The following RCN2 variants were observed in gnomAD, a reference collection of about 807,000 sequenced individuals.
The protein encoded by RCN2 is reticulocalbin 2.
In RCN2, 23 loss-of-function variants were observed where a neutral mutation model predicts 37.5. The observed-to-expected ratio is 0.61, with a 90% CI of 0.44 to 0.87. The LOEUF (loss-of-function observed/expected upper bound fraction) is 0.87, where lower values mean the gene tolerates loss of function less well. RCN2 is among the 40% of genes least tolerant of loss of function. RCN2 has a pLI of 0.00. For missense variants in RCN2, 381 were observed against 390.4 expected (o/e 0.98, Z 0.20); for synonymous variants, 140 against 144.6 (o/e 0.97, Z 0.23).
rs957631330 is a variant in RCN2 at position 76,953,752 on chromosome 15, CGCCT to C, written c.*4534_*4537del. ...CCTCCCGAGTAGCTGGGACTATAGG[CGCCT>C]GCCACCGCACCCGGCTAATTTTTTG... On this transcript the variant is annotated 3_prime_UTR_variant, in exon 7 of 7. Coordinates refer to ENST00000394885, the MANE Select transcript of RCN2 (RefSeq NM_002902.3). 3 of 39,748 alleles carry C rather than the reference CGCCT, an allele frequency of 7.5e-5. No homozygotes were observed. Among genetic ancestry groups the C allele is most frequent in the African/African-American group, 1.3e-4 (3 of 23,294 alleles). 2.5% of individuals were successfully genotyped at this position (39,748 alleles called of 1,614,324 possible). A position where few individuals can be genotyped will look rare whatever the true frequency, so the allele number is the denominator to read the frequency against.
intron 4 of RCN2, among the ~76,000 whole-genome samples, chr15:76,946,528 G>C (rs1389719474): frequency 5.9e-5 from 9 of 152,178 alleles, no homozygotes; most frequent in African/African-American, 1.9e-4. Context: ...GAGGCTGGCA[G>C]ATCATCCGAG....
At chr15:76,946,339 T>A (rs1053407452) in intron 4 of RCN2, among the ~76,000 whole-genome samples, 1 of 152,020 alleles carries the variant, frequency 6.6e-6, no homozygotes, top group Non-Finnish European at 1.5e-5. Flanking sequence ...TCCTAGCTAC[T>A]TGGGAGACTG....
chr15:76,934,544 G>T (rs1438405045), intron 2 of RCN2, among the ~76,000 whole-genome samples: 1 of 152,168 alleles, frequency 6.6e-6, no homozygotes. Context: ...TTGCAGGAAG[G>T]GCATAAATTG....
chr15:76,948,750 A>T, intron 6 of RCN2, 198 bp downstream of exon 6: 1 of 546,790 alleles, frequency 1.8e-6, no homozygotes, highest in South Asian at 3.2e-5. Context: ...GTCATGTATT[A>T]ATTTGAGAGT....
At chr15:76,948,295 G>A in intron 5 of RCN2, 115 bp from the exon 6 acceptor site, 1 of 623,544 alleles carries the variant, frequency 1.6e-6, no homozygotes, top group Non-Finnish European at 2.5e-6. Context: ...CTGTTTTATT[G>A]GGCTTTCTTT....
chr15:76,944,481 G>GT (rs200785226), intron 4 of RCN2, among the ~76,000 whole-genome samples: 10 of 151,748 alleles, frequency 6.6e-5, no homozygotes, highest in East Asian at 3.9e-4. Context: ...CATTCTTACT[G>GT]TTTTTTTTGT....
At chr15:76,941,950 C>T (rs1252908824) in intron 3 of RCN2, 2 of 295,968 alleles carry the variant, frequency 6.8e-6, no homozygotes, top group Non-Finnish European at 1.2e-5. Flanking sequence ...TTGATTGACT[C>T]AGCAAAGTAC....
intron 2 of RCN2, among the ~76,000 whole-genome samples, chr15:76,932,893 AC>A (rs2075230719): frequency 6.6e-6 from 1 of 152,166 alleles, no homozygotes; most frequent in Non-Finnish European, 1.5e-5. Flanking sequence ...CCTGTGAATT[AC>A]GTTTATTATA....
At chr15:76,939,253 A>AATAAATAC (rs2075267102) in intron 3 of RCN2, among the ~76,000 whole-genome samples, 2 of 150,844 alleles carry the variant, frequency 1.3e-5, no homozygotes, top group Admixed American at 6.6e-5. Flanking sequence ...TAAATAAATA[A>AATAAATAC]ATAAATAAAT....
chr15:76,932,312 C>T, intron 1 of RCN2, 49 bp from the exon 2 acceptor site: 1 of 1,433,968 alleles, frequency 7.0e-7, no homozygotes, highest in Non-Finnish European at 9.8e-7. Context: ...ACCATTTTGC[C>T]CCACTGATAG....
At position 76,935,509 on chromosome 15, in the gene RCN2, C is replaced by T; in HGVS notation, c.251-17C>T. Reference sequence around the variant, plus strand: ...GAATTAACGTCACATGCGTTGTGTTCTGGGAAATTCTCATAGGTGAACTCA... The same window carrying T: ...GAATTAACGTCACATGCGTTGTGTTTTGGGAAATTCTCATAGGTGAACTCA... On this transcript the variant is annotated splice_polypyrimidine_tract_variant and intron_variant, in intron 2 of 6. Coordinates refer to ENST00000394885, the MANE Select transcript of RCN2 (RefSeq NM_002902.3). 4 of 1,594,290 alleles carry T rather than the reference C, an allele frequency of 2.5e-6. No individual in the cohort carries two copies. The highest frequency in any genetic ancestry group is 2.6e-6 in the Non-Finnish European group (3 of 1,166,884).
At chr15:76,932,570 T>A in intron 2 of RCN2, 104 bp downstream of exon 2, 1 of 765,620 alleles carries the variant, frequency 1.3e-6, no homozygotes, top group Non-Finnish European at 2.3e-6. Context: ...TTGGAAGTCC[T>A]GTGAGAAGGA....
rs115361828 is a variant in RCN2, at chr15:76,943,933, A to T, written c.561+62A>T. ...ACCAAAACTTTAAAAAAATATATTT[A>T]AAATTTTTGTGGGTACATAGTAGGT... is the stretch of plus-strand genomic sequence containing the variant. On this transcript the variant is annotated intron_variant, in intron 4 of 6. Transcript: ENST00000394885. The T allele has an allele frequency of 9.1e-4, 813 of 898,050 alleles. 7 individuals carry two copies. In the African/African-American group the frequency reaches 0.013, roughly 14 times the overall value. 55.6% of individuals were successfully genotyped at this position (898,050 alleles called of 1,614,324 possible).
intron 1 of RCN2, 119 bp downstream of exon 1, chr15:76,932,104 G>T: frequency 9.9e-7 from 1 of 1,014,690 alleles, no homozygotes; most frequent in Non-Finnish European, 1.3e-6. Context: ...CTGACAATGG[G>T]GGCCGGGCGG....
intron 3 of RCN2, chr15:76,941,588 G>C: frequency 9.7e-7 from 1 of 1,028,408 alleles, no homozygotes; most frequent in Non-Finnish European, 1.4e-6. Flanking sequence ...GAAAAAAAAA[G>C]AGTGTTGAAG....
intron 3 of RCN2, chr15:76,938,599 C>G (rs1568459734): frequency 2.5e-6 from 1 of 401,830 alleles, no homozygotes; most frequent in African/African-American, 2.0e-5. Context: ...ACCTGTTAAA[C>G]AACACCCCAT....
chr15:76,939,098 G>T (rs940589113), intron 3 of RCN2, among the ~76,000 whole-genome samples: 1 of 152,150 alleles, frequency 6.6e-6, no homozygotes, highest in Non-Finnish European at 1.5e-5. Flanking sequence ...TGGGCATGAT[G>T]GTCCGTCCTG....
intron 2 of RCN2, 38 bp downstream of exon 2, chr15:76,932,504 C>A: frequency 7.3e-7 from 1 of 1,371,336 alleles, no homozygotes; most frequent in Non-Finnish European, 1.0e-6. Flanking sequence ...TGGAGACAAA[C>A]ACAAATATGT....
intron 3 of RCN2, chr15:76,938,964 G>T (rs115316081): frequency 5.8e-6 from 2 of 343,746 alleles, no homozygotes; most frequent in African/African-American, 2.1e-5. Context: ...CCCAGAGTTC[G>T]AGAACAACTG....
Sources: gnomAD v4.1 joint callset for allele counts (sites outside exome capture counted in the v4.1 genomes callset) on GRCh38, gnomAD v4.1.1 for gene constraint, MANE v1.5 for transcripts, NCBI Gene and HGNC (gene_info 2026-07-23, HGNC 2026-07-21) for gene names.